Variants in INIP observed in about 807,000 individuals in gnomAD.
INIP encodes the protein INTS3 and NABP interacting protein.
In INIP, 9 loss-of-function variants were observed where a neutral mutation model predicts 14.0. The ratio of observed to expected loss-of-function variants is 0.64; its 90% CI spans 0.39 to 1.12. The LOEUF is 1.12. INIP is among the 50% of genes most tolerant of loss of function. INIP has a pLI of 0.01. For missense variants in INIP, 78 were observed against 122.7 expected (o/e 0.64, Z 1.72); for synonymous variants, 37 against 41.5 (o/e 0.89, Z 0.41).
At chr9:112,712,607 G>A (rs184946231) in intron 2 of INIP, among the ~76,000 whole-genome samples, 11 of 152,264 alleles carry the variant, frequency 7.2e-5, no homozygotes, top group African/African-American at 2.6e-4. Context: ...TAAATAAAAG[G>A]GGTATTTTAG....
Position 112,687,554 on chromosome 9 carries a change from C to G in INIP, c.299G>C (p.Arg100Pro). The G allele has an allele frequency of 6.2e-7, 1 of 1,605,294 alleles. No homozygotes were observed. Among genetic ancestry groups the G allele is most frequent in the Non-Finnish European group, 8.5e-7 (1 of 1,172,900 alleles). The change falls in exon 5 of 5, where the codon CGC becomes CCC. Residue 100 changes from arginine (R) to proline (P), a missense_variant. By Grantham distance (103) the Arg-to-Pro change is moderately radical. Transcript: ENST00000374242. ...ATGTTTTCTTCATTCTGGGTCAAGG[C>G]GAGGTAAAACAGGAAGAATAAGGTT... ...FGNLILPVLP[R>P]LDPE
At chr9:112,690,463 A>T (rs1394870104) in intron 3 of INIP, among the ~76,000 whole-genome samples, 1 of 152,070 alleles carries the variant, frequency 6.6e-6, no homozygotes. Context: ...ACAGAGTGAG[A>T]CCCTGTCTCA....
intron 2 of INIP, among the ~76,000 whole-genome samples, chr9:112,713,689 CTT>C (rs1838716400): frequency 6.6e-6 from 1 of 150,484 alleles, no homozygotes; most frequent in African/African-American, 2.5e-5. Flanking sequence ...GACCCTGTCT[CTT>C]AAAAAAAAGG....
At chr9:112,693,669 C>T (rs1214725354) in intron 3 of INIP, among the ~76,000 whole-genome samples, 4 of 152,240 alleles carry the variant, frequency 2.6e-5, no homozygotes, top group South Asian at 2.1e-4. Context: ...AAAGTTTAGC[C>T]TCCCCTATAC....
chr9:112,693,079 A>G (rs1837951692), intron 3 of INIP, among the ~76,000 whole-genome samples: 1 of 152,006 alleles, frequency 6.6e-6, no homozygotes, highest in Admixed American at 6.6e-5. Flanking sequence ...AGGGAAAATT[A>G]AATATTCTAG....
At chr9:112,690,398 G>A (rs1837841656) in intron 3 of INIP, among the ~76,000 whole-genome samples, 1 of 151,954 alleles carries the variant, frequency 6.6e-6, no homozygotes, top group African/African-American at 2.4e-5. Flanking sequence ...GAGATGGGAG[G>A]ATCGCTTAAG....
Position 112,684,559 on chromosome 9 carries a change from A to G in INIP, c.*2979T>C, listed in dbSNP as rs1837589894. The stretch of plus-strand genomic sequence containing the variant: ...ATGACAGAGCAGGACTGTCTCTTAA[A>G]AAACCAACACAATACAAAGTAAAAT... On this transcript the variant is annotated 3_prime_UTR_variant, in exon 5 of 5. Transcript: ENST00000374242. 1 of 152,198 alleles carries G rather than the reference A, an allele frequency of 6.6e-6. No individual in the cohort carries two copies. 9.4% of individuals were successfully genotyped at this position (152,198 alleles called of 1,614,324 possible).
intron 2 of INIP, among the ~76,000 whole-genome samples, chr9:112,698,303 CAAA>C (rs755265359): frequency 9.2e-5 from 4 of 43,666 alleles, no homozygotes; most frequent in Admixed American, 8.8e-4. Context: ...GACTCTGTCT[CAAA>C]AAAAAAAAAA....
chr9:112,687,979 A>G (rs900177663), intron 4 of INIP, among the ~76,000 whole-genome samples: 2 of 151,990 alleles, frequency 1.3e-5, no homozygotes, highest in Non-Finnish European at 2.9e-5. Flanking sequence ...CCAGCTACTC[A>G]GGAGGCTGAG....
At position 112,687,219 on chromosome 9, in the gene INIP, A is replaced by G; in HGVS notation, c.*319T>C. ...TTCTTGAAAATCTACTGTGGACATG[A>G]TATATTCAGTCAAACTTGCTAGGAG... On this transcript the variant is annotated 3_prime_UTR_variant, in exon 5 of 5. Transcript: ENST00000374242. 4.8e-6 allele frequency: 1 copy of G among 208,666 alleles called. No individual in the cohort carries two copies. The highest frequency in any genetic ancestry group is 9.6e-6 in the Non-Finnish European group (1 of 103,632). 12.9% of individuals were successfully genotyped at this position (208,666 alleles called of 1,614,324 possible). A position where few individuals can be genotyped will look rare whatever the true frequency, so the allele number is the denominator to read the frequency against.
rs373346729 is a variant in INIP, at chr9:112,713,289, C to T, written c.25+3172G>A. On this transcript the variant is annotated intron_variant, in intron 2 of 4. Transcript: ENST00000374242. ...TACATTCTAGAATGGCTAAAATTAACGACTGACAACACTAAATGTGAATCA... is the reference window on the plus strand; with the variant it reads ...TACATTCTAGAATGGCTAAAATTAATGACTGACAACACTAAATGTGAATCA... 2.7e-4 allele frequency among the ~76,000 whole-genome samples: 41 copies of T among 152,264 alleles called. No individual in the cohort carries two copies. In the South Asian group the frequency reaches 7.5e-3, roughly 28 times the overall value.
chr9:112,713,755 C>T (rs1390273215), intron 2 of INIP, among the ~76,000 whole-genome samples: 2 of 152,108 alleles, frequency 1.3e-5, no homozygotes, highest in Non-Finnish European at 2.9e-5. Context: ...CTTTGGGAGG[C>T]CGAGGCAGGC....
chr9:112,701,106 G>T (rs1055186768), intron 2 of INIP, among the ~76,000 whole-genome samples: 1 of 152,042 alleles, frequency 6.6e-6, no homozygotes, highest in Admixed American at 6.6e-5. Flanking sequence ...TGGGCAGTTC[G>T]AGACCAGCCT....
intron 2 of INIP, among the ~76,000 whole-genome samples, chr9:112,696,888 C>T (rs1234936685): frequency 6.6e-6 from 1 of 152,204 alleles, no homozygotes; most frequent in African/African-American, 2.4e-5. Context: ...CTCCGGCACA[C>T]CATCTTTCAA....
In INIP at chr9:112,707,002, C is replaced by A. The variant is rs542235695; in HGVS notation, c.25+9459G>T. On this transcript the variant is annotated intron_variant, in intron 2 of 4. Transcript: ENST00000374242. Reference sequence around the variant, plus strand: ...TCTCGGCTCACCACAACCTCCACCTCCCAGGTTCAAGCGATTCTCCTGCCT... The same window carrying A: ...TCTCGGCTCACCACAACCTCCACCTACCAGGTTCAAGCGATTCTCCTGCCT... 2.0e-5 allele frequency among the ~76,000 whole-genome samples: 3 copies of A among 152,254 alleles called. No homozygotes were observed. In the South Asian group the frequency reaches 6.2e-4, roughly 32 times the overall value.
Position 112,684,686 on chromosome 9 carries a change from A to G in INIP, c.*2852T>C, listed in dbSNP as rs1307455368. ...ATTTTTTCGGAAAAAATGCTGGTCAATCCTGTTAAACCATTAAGTTGGCTT... is the reference window on the plus strand; with the variant it reads ...ATTTTTTCGGAAAAAATGCTGGTCAGTCCTGTTAAACCATTAAGTTGGCTT... On this transcript the variant is annotated 3_prime_UTR_variant, in exon 5 of 5. Transcript: ENST00000374242. 6.6e-6 allele frequency: 1 copy of G among 152,222 alleles called. No individual in the cohort carries two copies. The highest frequency in any genetic ancestry group is 1.5e-5 in the Non-Finnish European group (1 of 68,034). 9.4% of individuals were successfully genotyped at this position (152,222 alleles called of 1,614,324 possible).
intron 3 of INIP, among the ~76,000 whole-genome samples, chr9:112,690,217 G>A (rs754671408): frequency 2.6e-5 from 4 of 152,180 alleles, no homozygotes; most frequent in South Asian, 2.1e-4. Flanking sequence ...TTGGCCAGGC[G>A]TGGTGGCTCA....
chr9:112,693,373 G>C (rs1837961252), intron 3 of INIP, among the ~76,000 whole-genome samples: 1 of 152,104 alleles, frequency 6.6e-6, no homozygotes, highest in African/African-American at 2.4e-5. Flanking sequence ...TTAGCCTAGG[G>C]ACAGCAGCAG....
At chr9:112,698,927 G>C (rs1389082548) in intron 2 of INIP, among the ~76,000 whole-genome samples, 2 of 152,068 alleles carry the variant, frequency 1.3e-5, no homozygotes, top group East Asian at 3.9e-4. Context: ...TTGAATTCCA[G>C]GCTACAGAAT....
Sources: allele counts gnomAD v4.1 joint callset (sites outside exome capture counted in the v4.1 genomes callset), GRCh38; gene constraint gnomAD v4.1.1; transcripts MANE v1.5; gene names NCBI Gene and HGNC (gene_info 2026-07-23, HGNC 2026-07-21).